CTNND2: variants seen among roughly 807,000 people sequenced by gnomAD.
CTNND2 encodes catenin delta 2.
Under a neutral mutation model 144.4 loss-of-function variants are expected in CTNND2, and 22 were observed. That is an observed-to-expected ratio of 0.15 (90% CI 0.11 to 0.22). CTNND2 has a LOEUF of 0.22. Among genes scored for constraint, CTNND2 ranks in the 10% least tolerant of loss-of-function variants. The probability of loss-of-function intolerance (pLI) is 1.00; values close to 1 mark genes in which losing one functional copy is unlikely to be tolerated. For synonymous variants in CTNND2, 751 were observed against 695.6 expected (o/e 1.08, Z -1.25); for missense variants, 1,353 against 1,618.8 (o/e 0.84, Z 2.82).
chr5:11,129,272 T>A (rs190251037), intron 12 of CTNND2, among the ~76,000 whole-genome samples: 1 of 66,440 alleles, frequency 1.5e-5, no homozygotes, highest in Non-Finnish European at 2.9e-5. Flanking sequence ...AATATATAAA[T>A]ATATATTATA....
intron 3 of CTNND2, among the ~76,000 whole-genome samples, chr5:11,487,174 C>G (rs546846119): frequency 1.1e-4 from 17 of 150,926 alleles, no homozygotes; most frequent in African/African-American, 3.9e-4. Context: ...ATAAATAGAT[C>G]AACTACGGCA....
chr5:11,669,396 CT>C (rs1783753226), intron 2 of CTNND2, among the ~76,000 whole-genome samples: 1 of 152,094 alleles, frequency 6.6e-6, no homozygotes, highest in African/African-American at 2.4e-5. Context: ...TGGTCCTGGA[CT>C]TTTTGTGATT....
At chr5:11,760,827 G>A (rs995022620) in intron 1 of CTNND2, among the ~76,000 whole-genome samples, 1 of 151,972 alleles carries the variant, frequency 6.6e-6, no homozygotes, top group Non-Finnish European at 1.5e-5. Flanking sequence ...TATTTTAAAT[G>A]ACTCCTCTTA....
chr5:11,556,817 G>A (rs1776271327), intron 3 of CTNND2, among the ~76,000 whole-genome samples: 1 of 152,150 alleles, frequency 6.6e-6, no homozygotes, highest in Non-Finnish European at 1.5e-5. Flanking sequence ...TGTGGAGCAA[G>A]CAACTGTTAA....
chr5:11,697,235 C>T (rs1161091763), intron 2 of CTNND2, among the ~76,000 whole-genome samples: 1 of 152,120 alleles, frequency 6.6e-6, no homozygotes, highest in African/African-American at 2.4e-5. Flanking sequence ...GTGCAAGCTG[C>T]CCCTGATTCT....
intron 1 of CTNND2, among the ~76,000 whole-genome samples, chr5:11,806,290 C>A (rs1791992413): frequency 6.6e-6 from 1 of 152,082 alleles, no homozygotes; most frequent in Non-Finnish European, 1.5e-5. Flanking sequence ...GTACTATCTT[C>A]TCAACTTTTC....
intron 2 of CTNND2, among the ~76,000 whole-genome samples, chr5:11,630,116 TC>T (rs1781343769): frequency 6.6e-6 from 1 of 152,188 alleles, no homozygotes; most frequent in African/African-American, 2.4e-5. Flanking sequence ...TTTTTCTCAC[TC>T]AACATTGTGC....
intron 1 of CTNND2, among the ~76,000 whole-genome samples, chr5:11,830,364 G>C (rs1357983523): frequency 6.6e-6 from 1 of 152,202 alleles, no homozygotes; most frequent in East Asian, 1.9e-4. Flanking sequence ...ATTCCCATGT[G>C]TTCTGGGAGG....
At chr5:11,022,577 G>T (rs1742372514) in intron 17 of CTNND2, among the ~76,000 whole-genome samples, 192 bp downstream of exon 17, 1 of 152,202 alleles carries the variant, frequency 6.6e-6, no homozygotes. Context: ...ACATGGGTGT[G>T]CTGGATCGTC....
intron 1 of CTNND2, among the ~76,000 whole-genome samples, chr5:11,762,895 C>A (rs1221608601): frequency 6.6e-6 from 1 of 152,184 alleles, no homozygotes; most frequent in Non-Finnish European, 1.5e-5. Flanking sequence ...ATCTAAAATA[C>A]AGAACTCCTT....
At chr5:11,645,675 T>A (rs1273514184) in intron 2 of CTNND2, among the ~76,000 whole-genome samples, 1 of 152,222 alleles carries the variant, frequency 6.6e-6, no homozygotes, top group Non-Finnish European at 1.5e-5. Context: ...TTCTACTGTA[T>A]TTTTGTGCAC....
chr5:11,129,795 G>A (rs372185318), intron 12 of CTNND2, among the ~76,000 whole-genome samples: 3 of 152,164 alleles, frequency 2.0e-5, no homozygotes, highest in East Asian at 1.9e-4. Context: ...GTGCAGCCTC[G>A]TTATTTTAAA....
chr5:11,307,768 T>C (rs555579977), intron 9 of CTNND2, among the ~76,000 whole-genome samples: 13 of 152,342 alleles, frequency 8.5e-5, no homozygotes, highest in Middle Eastern at 3.4e-3. Flanking sequence ...GTGCTGCCTG[T>C]TAAAAGTCCT....
chr5:11,757,661 A>G (rs1789026954), intron 1 of CTNND2, among the ~76,000 whole-genome samples: 1 of 152,008 alleles, frequency 6.6e-6, no homozygotes, highest in Non-Finnish European at 1.5e-5. Context: ...GACAGTTAAA[A>G]TGTAATGTAT....
At chr5:10,985,268 G>A (rs1737801181) in intron 20 of CTNND2, among the ~76,000 whole-genome samples, 1 of 152,146 alleles carries the variant, frequency 6.6e-6, no homozygotes, top group African/African-American at 2.4e-5. Context: ...TTCTTGAGGT[G>A]AACTGAACAC....
intron 3 of CTNND2, among the ~76,000 whole-genome samples, chr5:11,420,656 G>A (rs974863349): frequency 2.0e-5 from 3 of 152,156 alleles, no homozygotes; most frequent in South Asian, 2.1e-4. Flanking sequence ...TCCACTCTCC[G>A]CAGAATGTTT....
At position 11,304,096 on chromosome 5, in the gene CTNND2, CT is replaced by C. The variant is rs1749909978; in HGVS notation, c.1628+42275del. Among the ~76,000 whole-genome samples the C allele has an allele frequency of 2.0e-5, 3 of 152,088 alleles. No individual in the cohort carries two copies. In the South Asian group the frequency reaches 6.2e-4, roughly 32 times the overall value. On this transcript the variant is annotated intron_variant, in intron 9 of 21. Transcript: ENST00000304623. ...GTGGAACTGTGAGTCCATTAAATCTCTTTTTCTTTATAAATTACCCAGTCTT... is the reference window on the plus strand; with the variant it reads ...GTGGAACTGTGAGTCCATTAAATCTCTTTTCTTTATAAATTACCCAGTCTT...
At chr5:11,025,941 T>C (rs991189294) in intron 16 of CTNND2, among the ~76,000 whole-genome samples, 1 of 152,202 alleles carries the variant, frequency 6.6e-6, no homozygotes, top group African/African-American at 2.4e-5. Context: ...TTAATTCCCT[T>C]TTTTTGTATC....
At chr5:11,877,066 G>A (rs915165645) in intron 1 of CTNND2, among the ~76,000 whole-genome samples, 21 of 152,166 alleles carry the variant, frequency 1.4e-4, no homozygotes, top group African/African-American at 5.1e-4. Flanking sequence ...GCTGTTAGCA[G>A]ATATTCTTTT....
Sources: allele counts gnomAD v4.1 joint callset (sites outside exome capture counted in the v4.1 genomes callset), GRCh38; gene constraint gnomAD v4.1.1; transcripts MANE v1.5; gene names NCBI Gene and HGNC (gene_info 2026-07-23, HGNC 2026-07-21).